CACNA2D3: variants seen among roughly 807,000 people sequenced by gnomAD.
The protein encoded by CACNA2D3 is voltage-dependent calcium channel subunit alpha-2/delta-3.
In CACNA2D3, 60 loss-of-function variants were observed where a neutral mutation model predicts 160.6. The ratio of observed to expected loss-of-function variants is 0.37; its 90% confidence interval spans 0.30 to 0.46. The LOEUF is 0.46. Ranked by LOEUF, CACNA2D3 falls within the 20% of genes least tolerant of loss-of-function variation. The probability of loss-of-function intolerance (pLI) is 1.00; values close to 1 mark genes in which losing one functional copy is unlikely to be tolerated. For missense variants in CACNA2D3, 1,205 were observed against 1,365.0 expected (o/e 0.88, Z 1.85); for synonymous variants, 558 against 492.9 (o/e 1.13, Z -1.75).
intron 14 of CACNA2D3, among the ~76,000 whole-genome samples, 177 bp downstream of exon 14, chr3:54,817,047 C>G (rs1174306999): frequency 5.3e-5 from 8 of 152,180 alleles, no homozygotes; most frequent in Non-Finnish European, 4.4e-5. Flanking sequence ...TCCACTGCTC[C>G]TTTGCTGAGT....
At chr3:54,630,902 T>A (rs1223616817) in intron 10 of CACNA2D3, among the ~76,000 whole-genome samples, 2 of 151,970 alleles carry the variant, frequency 1.3e-5, no homozygotes, top group Non-Finnish European at 2.9e-5. Context: ...AAATGTTTTT[T>A]AAAAAAACAC....
At chr3:54,948,639 A>C (rs1036749890) in intron 27 of CACNA2D3, among the ~76,000 whole-genome samples, 1 of 152,238 alleles carries the variant, frequency 6.6e-6, no homozygotes, top group Non-Finnish European at 1.5e-5. Context: ...ACTAGGTTTC[A>C]TGAGAGACAC....
intron 27 of CACNA2D3, among the ~76,000 whole-genome samples, chr3:54,968,105 A>G (rs1260676880): frequency 6.6e-6 from 1 of 152,074 alleles, no homozygotes; most frequent in African/African-American, 2.4e-5. Flanking sequence ...CTGAAGCAAT[A>G]GTGATCTTTT....
intron 5 of CACNA2D3, among the ~76,000 whole-genome samples, chr3:54,553,419 G>A (rs1414208982): frequency 2.6e-5 from 4 of 152,144 alleles, no homozygotes; most frequent in Non-Finnish European, 4.4e-5. Flanking sequence ...TCAATCCCCA[G>A]GCTCCCCTGC....
intron 35 of CACNA2D3, among the ~76,000 whole-genome samples, chr3:55,043,441 G>C (rs1175270982): frequency 6.7e-6 from 1 of 148,946 alleles, no homozygotes; most frequent in South Asian, 2.1e-4. Flanking sequence ...GTAATTCCTT[G>C]TGATCTACAT....
intron 3 of CACNA2D3, 82 bp from the exon 4 acceptor site, chr3:54,386,633 A>C (rs1280433361): frequency 7.9e-7 from 1 of 1,264,170 alleles, no homozygotes; most frequent in African/African-American, 1.5e-5. Flanking sequence ...ATAATATGTC[A>C]CTTTTGGTCA....
intron 34 of CACNA2D3, among the ~76,000 whole-genome samples, chr3:55,017,782 A>G (rs1703358640): frequency 6.6e-6 from 1 of 152,222 alleles, no homozygotes; most frequent in African/African-American, 2.4e-5. Flanking sequence ...TTACTATTTC[A>G]TATTTCAATT....
At chr3:54,362,054 A>C (rs766901122) in intron 3 of CACNA2D3, among the ~76,000 whole-genome samples, 1 of 152,184 alleles carries the variant, frequency 6.6e-6, no homozygotes, top group Admixed American at 6.5e-5. Flanking sequence ...CATCTTTTCA[A>C]CAACACCACA....
intron 2 of CACNA2D3, among the ~76,000 whole-genome samples, chr3:54,210,287 A>C (rs1418144283): frequency 6.6e-6 from 1 of 152,160 alleles, no homozygotes; most frequent in African/African-American, 2.4e-5. Flanking sequence ...GTTTGGGAAC[A>C]ATGAGGTGAC....
intron 2 of CACNA2D3, among the ~76,000 whole-genome samples, chr3:54,178,054 A>T (rs1325893968): frequency 6.6e-6 from 1 of 152,012 alleles, no homozygotes; most frequent in African/African-American, 2.4e-5. Flanking sequence ...TTCCATAGAG[A>T]TGGAAGCAAA....
intron 2 of CACNA2D3, among the ~76,000 whole-genome samples, chr3:54,230,610 C>G (rs1445888760): frequency 6.6e-6 from 1 of 152,094 alleles, no homozygotes. Flanking sequence ...AGACAGGTTG[C>G]AAATGTTGAG....
chr3:54,391,430 C>G (rs971444844), intron 4 of CACNA2D3, among the ~76,000 whole-genome samples: 1 of 152,032 alleles, frequency 6.6e-6, no homozygotes, highest in African/African-American at 2.4e-5. Context: ...CATGTGTGAA[C>G]AAACCAAAAT....
chr3:54,294,192 C>G lies in CACNA2D3; in HGVS notation c.205-26250C>G, dbSNP rs78002066. On this transcript the variant is annotated intron_variant, in intron 2 of 37. Coordinates refer to ENST00000474759, the MANE Select transcript of CACNA2D3 (RefSeq NM_018398.3). ...AGAAAGACTAAGTAACAGCCTGTCCCACAGTGATCATCTCTGCCACCCTGT... is the reference window on the plus strand; with the variant it reads ...AGAAAGACTAAGTAACAGCCTGTCCGACAGTGATCATCTCTGCCACCCTGT... 1.8e-3 allele frequency among the ~76,000 whole-genome samples: 269 copies of G among 152,296 alleles called. 7 individuals are homozygous for G. The East Asian group carries it at 0.031, about 18-fold the overall frequency.
At chr3:54,805,707 C>T (rs568517735) in intron 13 of CACNA2D3, among the ~76,000 whole-genome samples, 1 of 152,200 alleles carries the variant, frequency 6.6e-6, no homozygotes, top group Non-Finnish European at 1.5e-5. Flanking sequence ...TTTTATGAGG[C>T]CAGCATCATC....
chr3:54,772,227 G>C (rs1229121448), intron 13 of CACNA2D3, among the ~76,000 whole-genome samples: 1 of 150,434 alleles, frequency 6.6e-6, no homozygotes, highest in Non-Finnish European at 1.5e-5. Context: ...AATTATCTGG[G>C]TAGTTAAGGA....
intron 5 of CACNA2D3, among the ~76,000 whole-genome samples, chr3:54,527,270 A>G (rs138230722): frequency 6.6e-6 from 1 of 152,166 alleles, no homozygotes; most frequent in African/African-American, 2.4e-5. Flanking sequence ...GAGTGTCCTT[A>G]GGCTTGAACT....
At chr3:54,234,330 A>C (rs979096392) in intron 2 of CACNA2D3, among the ~76,000 whole-genome samples, 1 of 152,168 alleles carries the variant, frequency 6.6e-6, no homozygotes, top group Admixed American at 6.5e-5. Flanking sequence ...AAAAAGCCAA[A>C]AACCAAAAAA....
chr3:54,596,834 T>C (rs73066412), intron 9 of CACNA2D3, among the ~76,000 whole-genome samples: 9,846 of 152,216 alleles, frequency 0.065, 357 homozygotes, highest in African/African-American at 0.095. Flanking sequence ...CCTGGTTAAC[T>C]CTTTCCCATT....
chr3:54,459,616 GTTGT>G lies in CACNA2D3; in HGVS notation c.382-43869_382-43866del, dbSNP rs1256947403. On this transcript the variant is annotated intron_variant, in intron 4 of 37. Coordinates refer to ENST00000474759, the MANE Select transcript of CACNA2D3 (RefSeq NM_018398.3). ...TATCCTTCGCCCACTTTCTGATGGG[GTTGT>G]TTGTTTTTTTCTTGTAAATTTGTTT... 7.2e-5 allele frequency among the ~76,000 whole-genome samples: 11 copies of G among 152,132 alleles called. 1 individual carries two copies. Among genetic ancestry groups the G allele is most frequent in the Non-Finnish European group, 1.3e-4 (9 of 67,996 alleles).
Sources: allele counts gnomAD v4.1 joint callset (sites outside exome capture counted in the v4.1 genomes callset), GRCh38; gene constraint gnomAD v4.1.1; transcripts MANE v1.5; gene names NCBI Gene and HGNC (gene_info 2026-07-23, HGNC 2026-07-21).